CACUL1: variants seen among roughly 807,000 people sequenced by gnomAD.
The protein encoded by CACUL1 is CDK2-associated and cullin domain-containing protein 1.
Under a neutral mutation model 45.2 loss-of-function variants are expected in CACUL1, and 13 were observed. That is an observed-to-expected ratio of 0.29 (90% CI 0.19 to 0.46). The LOEUF (loss-of-function observed/expected upper bound fraction) is 0.46, where lower values mean the gene tolerates loss of function less well. Among genes scored for constraint, CACUL1 ranks in the 20% least tolerant of loss-of-function variants. The probability of loss-of-function intolerance (pLI) is 1.00; values close to 1 mark genes in which losing one functional copy is unlikely to be tolerated. For missense variants in CACUL1, 421 were observed against 471.4 expected, an observed-to-expected ratio of 0.89 and a Z score of 0.99; for synonymous variants, 197 against 174.2, an observed-to-expected ratio of 1.13 and a Z score of -1.03.
rs997272228 is a variant in CACUL1, at chr10:118,681,429, T to C, written c.*4699A>G. 2 of 152,230 alleles carry C rather than the reference T, an allele frequency of 1.3e-5. No homozygotes were observed. Among genetic ancestry groups the C allele is most frequent in the African/African-American group, 4.8e-5 (2 of 41,452 alleles). 9.4% of individuals were successfully genotyped at this position (152,230 alleles called of 1,614,324 possible). On this transcript the variant is annotated 3_prime_UTR_variant, in exon 9 of 9. Coordinates refer to ENST00000369151, the MANE Select transcript of CACUL1 (RefSeq NM_153810.5). Reference sequence around the variant, plus strand: ...TAATGAGAGTGAACTGCCATCTGTTTAACAAAACGCACTCTTCTAAGAGAA... The same window carrying C: ...TAATGAGAGTGAACTGCCATCTGTTCAACAAAACGCACTCTTCTAAGAGAA...
intron 3 of CACUL1, among the ~76,000 whole-genome samples, chr10:118,717,349 G>A (rs969907896): frequency 1.3e-5 from 2 of 152,158 alleles, no homozygotes; most frequent in African/African-American, 4.8e-5. Flanking sequence ...TAACATAGGT[G>A]AATTTTTCCT....
chr10:118,685,971 A>C lies in CACUL1; in HGVS notation c.*157T>G. The C allele has an allele frequency of 2.4e-6, 1 of 416,196 alleles. No individual in the cohort carries two copies. Among genetic ancestry groups the C allele is most frequent in the Non-Finnish European group, 4.4e-6 (1 of 229,638 alleles). The allele number at this position is 416,196 out of a possible 1,614,324, so 25.8% of individuals were successfully genotyped here. On this transcript the variant is annotated 3_prime_UTR_variant, in exon 9 of 9. Transcript: ENST00000369151. Reference sequence around the variant, plus strand: ...TTTTTTTTTTTTTAGTTTTTGTTTTAAAATTACAAACCAAGTAAGAAGTCC... The same window carrying C: ...TTTTTTTTTTTTTAGTTTTTGTTTTCAAATTACAAACCAAGTAAGAAGTCC...
intron 7 of CACUL1, 61 bp from the exon 8 acceptor site, chr10:118,686,702 C>T: frequency 8.6e-7 from 1 of 1,160,308 alleles, no homozygotes; most frequent in African/African-American, 1.5e-5. Context: ...AGGAAAGGAT[C>T]AACATATTTG....
intron 4 of CACUL1, among the ~76,000 whole-genome samples, chr10:118,704,747 A>G (rs1268234261): frequency 6.6e-6 from 1 of 152,194 alleles, no homozygotes; most frequent in Non-Finnish European, 1.5e-5. Context: ...TCAGACTCAG[A>G]CACAAGGTGG....
At chr10:118,716,666 G>A (rs372606954) in intron 3 of CACUL1, among the ~76,000 whole-genome samples, 24 of 150,448 alleles carry the variant, frequency 1.6e-4, no homozygotes, top group Non-Finnish European at 2.8e-4. Flanking sequence ...GCAGTGGCGC[G>A]ATCTCGGCTC....
chr10:118,726,555 C>A (rs368804078), intron 3 of CACUL1, among the ~76,000 whole-genome samples: 16 of 152,198 alleles, frequency 1.1e-4, no homozygotes, highest in South Asian at 1.0e-3. Context: ...AGAAGAAATG[C>A]CAATAGTCTG....
chr10:118,703,784 T>A (rs1238752777), intron 4 of CACUL1, among the ~76,000 whole-genome samples: 3 of 152,316 alleles, frequency 2.0e-5, no homozygotes, highest in African/African-American at 7.2e-5. Context: ...AAAAAAGTTA[T>A]TTTATTTCTT....
chr10:118,695,246 A>G lies in CACUL1; in HGVS notation c.797-16T>C. 4.2e-6 allele frequency: 6 copies of G among 1,439,592 alleles called. No homozygotes were observed. The highest frequency in any genetic ancestry group is 5.9e-6 in the Non-Finnish European group (6 of 1,021,374). 89.2% of individuals were successfully genotyped at this position (1,439,592 alleles called of 1,614,324 possible). On this transcript the variant is annotated splice_polypyrimidine_tract_variant and intron_variant, in intron 5 of 8. Transcript: ENST00000369151. ...AAAAGTAAAGCTGAAATAAGAAAACAGGTTAAAAAGAATGTAACACATATT... is the reference window on the plus strand; with the variant it reads ...AAAAGTAAAGCTGAAATAAGAAAACGGGTTAAAAAGAATGTAACACATATT...
chr10:118,719,727 C>T (rs1365811226), intron 3 of CACUL1, among the ~76,000 whole-genome samples: 1 of 151,924 alleles, frequency 6.6e-6, no homozygotes, highest in East Asian at 1.9e-4. Flanking sequence ...AGGAGAATCG[C>T]TTGAATCCTG....
chr10:118,720,516 T>A (rs778914595), intron 3 of CACUL1, among the ~76,000 whole-genome samples: 1 of 152,248 alleles, frequency 6.6e-6, no homozygotes, highest in Non-Finnish European at 1.5e-5. Flanking sequence ...ATACAATTCA[T>A]AATTGTACTC....
rs139970810 is a variant in CACUL1, at chr10:118,741,635, C to T, written c.368-11225G>A. Among the ~76,000 whole-genome samples the T allele has an allele frequency of 3.2e-4, 49 of 152,238 alleles. No individual in the cohort carries two copies. In the East Asian group the frequency reaches 3.7e-3, roughly 11 times the overall value. ...GTCCCTAAATATCTCCAAATTGAAA[C>T]CTCTTATCTTTTAAAATTGTATTTG... On this transcript the variant is annotated intron_variant, in intron 1 of 8. Coordinates refer to ENST00000369151, the MANE Select transcript of CACUL1 (RefSeq NM_153810.5).
chr10:118,706,006 G>A (rs1224856871), intron 4 of CACUL1, among the ~76,000 whole-genome samples: 2 of 152,196 alleles, frequency 1.3e-5, no homozygotes, highest in Non-Finnish European at 1.5e-5. Flanking sequence ...AGCTGAAAGA[G>A]TAAGTTTGAA....
At chr10:118,743,007 G>C (rs1483857456) in intron 1 of CACUL1, among the ~76,000 whole-genome samples, 2 of 152,116 alleles carry the variant, frequency 1.3e-5, no homozygotes, top group African/African-American at 2.4e-5. Context: ...CAAGAAACTG[G>C]ATACAGTTCT....
At chr10:118,699,407 A>G (rs1005319611) in intron 5 of CACUL1, among the ~76,000 whole-genome samples, 1 of 152,190 alleles carries the variant, frequency 6.6e-6, no homozygotes, top group South Asian at 2.1e-4. Flanking sequence ...CCAGCTCTGG[A>G]CTACTATATT....
rs916629772 is a variant in CACUL1, at chr10:118,679,391, T to G, written c.*6737A>C. ...TTTTTTAATTTATTTTTATTTTTTATTTTTTGTAGAGACAGGGTTTCACCA... is the reference window on the plus strand; with the variant it reads ...TTTTTTAATTTATTTTTATTTTTTAGTTTTTGTAGAGACAGGGTTTCACCA... On this transcript the variant is annotated 3_prime_UTR_variant, in exon 9 of 9. Transcript: ENST00000369151. 3 of 151,856 alleles carry G rather than the reference T, an allele frequency of 2.0e-5. No homozygotes were observed. Among genetic ancestry groups the G allele is most frequent in the Non-Finnish European group, 4.4e-5 (3 of 67,982 alleles). 9.4% of individuals were successfully genotyped at this position (151,856 alleles called of 1,614,324 possible).
chr10:118,699,752 C>A (rs1845359545), intron 5 of CACUL1, among the ~76,000 whole-genome samples: 1 of 151,998 alleles, frequency 6.6e-6, no homozygotes, highest in East Asian at 1.9e-4. Context: ...TCACGCCATT[C>A]CCCCTGCCTC....
At chr10:118,695,564 AG>A (rs1845314578) in intron 5 of CACUL1, among the ~76,000 whole-genome samples, 1 of 152,220 alleles carries the variant, frequency 6.6e-6, no homozygotes, top group Non-Finnish European at 1.5e-5. Context: ...TGGAGAATAA[AG>A]TATCATATGA....
chr10:118,740,841 G>C (rs1845785294), intron 1 of CACUL1, among the ~76,000 whole-genome samples: 1 of 150,206 alleles, frequency 6.7e-6, no homozygotes, highest in African/African-American at 2.5e-5. Context: ...CAGGAGAATA[G>C]CGTGAACCCG....
At chr10:118,748,044 C>A (rs1411985489) in intron 1 of CACUL1, among the ~76,000 whole-genome samples, 1 of 152,106 alleles carries the variant, frequency 6.6e-6, no homozygotes, top group Admixed American at 6.5e-5. Flanking sequence ...GAAATCGTGC[C>A]ACTGCACTCC....
Sources: allele counts gnomAD v4.1 joint callset (sites outside exome capture counted in the v4.1 genomes callset), GRCh38; gene constraint gnomAD v4.1.1; transcripts MANE v1.5; gene names NCBI Gene and HGNC (gene_info 2026-07-23, HGNC 2026-07-21).